The following SLC8A1 variants were observed in gnomAD, a reference collection of about 807,000 sequenced individuals.
SLC8A1 encodes the protein sodium/calcium exchanger 1.
Under a neutral mutation model 68.3 loss-of-function variants are expected in SLC8A1, and 18 were observed. That is an observed-to-expected ratio of 0.26 (90% CI 0.18 to 0.39). The LOEUF (loss-of-function observed/expected upper bound fraction) is 0.39. Among genes scored for constraint, SLC8A1 ranks in the 10% least tolerant of loss-of-function variants. The pLI, the probability that SLC8A1 is intolerant of heterozygous loss-of-function variation, is 1.00. For synonymous variants in SLC8A1, 475 were observed against 415.5 expected (o/e 1.14, Z -1.74); for missense variants, 985 against 1,156.7 (o/e 0.85, Z 2.15).
At chr2:40,109,159 T>A (rs995240516) in exon 8 of SLC8A1, 1 of 152,186 alleles carries the variant, frequency 6.6e-6, no homozygotes, top group Non-Finnish European at 1.5e-5. Flanking sequence ...TTAGCTAATT[T>A]CTCTCTTGGT....
chr2:40,320,201 A>G (rs1314854000), intron 2 of SLC8A1, among the ~76,000 whole-genome samples: 1 of 152,188 alleles, frequency 6.6e-6, no homozygotes, highest in Non-Finnish European at 1.5e-5. Context: ...CTACATTTGT[A>G]AATACACATA....
At chr2:40,415,467 C>A (rs977266418) in intron 2 of SLC8A1, among the ~76,000 whole-genome samples, 2 of 151,552 alleles carry the variant, frequency 1.3e-5, no homozygotes. Flanking sequence ...GTTTGACTAG[C>A]AAACCACTGG....
At chr2:40,150,399 C>T (rs551504293) in intron 6 of SLC8A1, among the ~76,000 whole-genome samples, 1 of 152,140 alleles carries the variant, frequency 6.6e-6, no homozygotes, top group African/African-American at 2.4e-5. Flanking sequence ...CTCTTCCTTC[C>T]ACTTCTTTGG....
At chr2:40,459,953 A>G (rs535685814) in intron 1 of SLC8A1, among the ~76,000 whole-genome samples, 1 of 152,280 alleles carries the variant, frequency 6.6e-6, no homozygotes, top group Non-Finnish European at 1.5e-5. Flanking sequence ...AAAATCACCA[A>G]TTGCAAATTT....
At chr2:40,497,204 G>A (rs1705769202) in intron 1 of SLC8A1, among the ~76,000 whole-genome samples, 1 of 152,012 alleles carries the variant, frequency 6.6e-6, no homozygotes, top group Non-Finnish European at 1.5e-5. Context: ...CTTGGGGCAT[G>A]TGAAATACAA....
intron 2 of SLC8A1, among the ~76,000 whole-genome samples, chr2:40,274,566 A>G (rs1254072121): frequency 1.3e-5 from 2 of 152,170 alleles, no homozygotes; most frequent in Admixed American, 1.3e-4. Context: ...TCATTAACAG[A>G]CATTTTGCAA....
At chr2:40,237,064 A>G (rs1443736790) in intron 2 of SLC8A1, among the ~76,000 whole-genome samples, 1 of 151,766 alleles carries the variant, frequency 6.6e-6, no homozygotes, top group Admixed American at 6.6e-5. Flanking sequence ...AACTTTGGTG[A>G]ATCTGACAAT....
chr2:40,138,756 AC>A (rs763459594), intron 7 of SLC8A1, among the ~76,000 whole-genome samples: 1 of 152,212 alleles, frequency 6.6e-6, no homozygotes, highest in African/African-American at 2.4e-5. Context: ...ATGATGTCTT[AC>A]TCAGAAATAT....
intron 2 of SLC8A1, among the ~76,000 whole-genome samples, chr2:40,339,018 G>A (rs990468555): frequency 4.6e-5 from 7 of 152,190 alleles, no homozygotes; most frequent in Non-Finnish European, 8.8e-5. Context: ...GGGCTGCTCT[G>A]TGCTATTGTG....
intron 7 of SLC8A1, among the ~76,000 whole-genome samples, chr2:40,137,606 C>G (rs992038112): frequency 2.6e-5 from 4 of 152,100 alleles, no homozygotes; most frequent in Admixed American, 2.6e-4. Context: ...TATATAGTCT[C>G]TAATCAAAAC....
chr2:40,264,960 A>G (rs1344746728), intron 2 of SLC8A1, among the ~76,000 whole-genome samples: 1 of 152,228 alleles, frequency 6.6e-6, no homozygotes, highest in Non-Finnish European at 1.5e-5. Context: ...GAGGGTGTTT[A>G]TGAGCACAGG....
chr2:40,373,054 G>T (rs1156288156), intron 2 of SLC8A1, among the ~76,000 whole-genome samples: 1 of 72,106 alleles, frequency 1.4e-5, no homozygotes, highest in Non-Finnish European at 2.6e-5. Flanking sequence ...TTCAAACTAT[G>T]TCCTAGCCAT....
rs114395308 is a variant in SLC8A1, at chr2:40,445,587, A to G, written c.-25+6317T>C. Among the ~76,000 whole-genome samples, 552 of 152,356 alleles carry G rather than the reference A, an allele frequency of 3.6e-3. 2 individuals are homozygous for G. Among genetic ancestry groups the G allele is most frequent in the African/African-American group, 0.013 (525 of 41,584 alleles). On this transcript the variant is annotated intron_variant, in intron 1 of 7. Transcript: ENST00000406785. Reference sequence around the variant, plus strand: ...CCATTTGCTTATTTGTAAAATATAAACACAAAGCAAAACTAGGTGATATCA... The same window carrying G: ...CCATTTGCTTATTTGTAAAATATAAGCACAAAGCAAAACTAGGTGATATCA...
chr2:40,363,359 G>A (rs766550002), intron 2 of SLC8A1, among the ~76,000 whole-genome samples: 2 of 151,896 alleles, frequency 1.3e-5, no homozygotes, highest in African/African-American at 4.8e-5. Context: ...TGATGATGAT[G>A]ATAGCACTAA....
At chr2:40,133,363 T>C (rs1168271676) in intron 7 of SLC8A1, among the ~76,000 whole-genome samples, 1 of 145,866 alleles carries the variant, frequency 6.9e-6, no homozygotes, top group Non-Finnish European at 1.5e-5. Flanking sequence ...AAGGTTTTAT[T>C]TTATTAAAAA....
intron 2 of SLC8A1, among the ~76,000 whole-genome samples, chr2:40,423,751 T>G (rs1234638515): frequency 6.6e-6 from 1 of 152,010 alleles, no homozygotes; most frequent in Non-Finnish European, 1.5e-5. Flanking sequence ...ACAATCAATT[T>G]AAGCTCCTGG....
At chr2:40,364,816 T>C (rs1391942681) in intron 2 of SLC8A1, among the ~76,000 whole-genome samples, 1 of 152,040 alleles carries the variant, frequency 6.6e-6, no homozygotes, top group African/African-American at 2.4e-5. Flanking sequence ...TAGGAGAAAA[T>C]AATACAGTGA....
At chr2:40,200,330 T>C (rs72792777) in intron 2 of SLC8A1, among the ~76,000 whole-genome samples, 2,703 of 133,070 alleles carry the variant, frequency 0.02, 52 homozygotes, top group Middle Eastern at 0.05. Flanking sequence ...TCAGGTAGGT[T>C]GAGAGCTAGC....
In SLC8A1 at chr2:40,305,498, G is replaced by A. The variant is rs182942006; in HGVS notation, c.1808+122975C>T. On this transcript the variant is annotated intron_variant, in intron 2 of 7. Coordinates refer to ENST00000406785, the Ensembl canonical transcript of SLC8A1. ...GACAAATATATAAATTAATAACTGA[G>A]AGGATGGATCAAGTTATAGAAGCTA... Among the ~76,000 whole-genome samples the A allele has an allele frequency of 2.6e-5, 4 of 152,304 alleles. No homozygotes were observed. The East Asian group carries it at 5.8e-4, about 22-fold the overall frequency.
Sources: allele counts gnomAD v4.1 joint callset (sites outside exome capture counted in the v4.1 genomes callset), GRCh38; gene constraint gnomAD v4.1.1; transcripts MANE v1.5; gene names NCBI Gene and HGNC (gene_info 2026-07-23, HGNC 2026-07-21).